Variants in IL1RAPL2 observed in about 807,000 individuals in gnomAD.
IL1RAPL2 encodes X-linked interleukin-1 receptor accessory protein-like 2.
IL1RAPL2 carries 3 observed loss-of-function variants against 44.1 expected under a neutral mutation model. The observed-to-expected ratio is 0.07, with a 90% CI of 0.03 to 0.18. IL1RAPL2 has a LOEUF of 0.18. IL1RAPL2 is among the 10% of genes least tolerant of loss of function. IL1RAPL2 has a pLI of 1.00. For synonymous variants in IL1RAPL2, 181 were observed against 178.8 expected (o/e 1.01, Z -0.10); for missense variants, 391 against 496.4 (o/e 0.79, Z 2.02).
At chrX:105,099,199 AAAG>A (rs1455966474) in intron 2 of IL1RAPL2, among the ~76,000 whole-genome samples, 5 of 112,033 alleles carry the variant, frequency 4.5e-5, no homozygotes, top group African/African-American at 1.6e-4. Flanking sequence ...GTAGTGCTAC[AAAG>A]AAGTATACAG....
At chrX:105,270,082 T>C (rs180704821) in intron 5 of IL1RAPL2, among the ~76,000 whole-genome samples, 9 of 111,805 alleles carry the variant, frequency 8.0e-5, no homozygotes, top group Admixed American at 3.8e-4. Flanking sequence ...CCAGATAGGA[T>C]GAAGATGAAG....
chrX:104,896,162 C>T (rs1329057860), intron 2 of IL1RAPL2, among the ~76,000 whole-genome samples: 1 of 112,110 alleles, frequency 8.9e-6, no homozygotes. Context: ...AACATGGCTT[C>T]TCCCCTTTCT....
chrX:104,776,295 C>A (rs1461889154), intron 2 of IL1RAPL2, among the ~76,000 whole-genome samples: 1 of 111,584 alleles, frequency 9.0e-6, no homozygotes, highest in Non-Finnish European at 1.9e-5. Flanking sequence ...AAGCTTGGGC[C>A]ACATTACTGA....
At chrX:104,749,873 A>T (rs1201146713) in intron 2 of IL1RAPL2, among the ~76,000 whole-genome samples, 2 of 112,069 alleles carry the variant, frequency 1.8e-5, no homozygotes, top group Non-Finnish European at 3.8e-5. Flanking sequence ...TTCATGTTTG[A>T]TGGCTACTTT....
intron 2 of IL1RAPL2, among the ~76,000 whole-genome samples, chrX:104,748,040 GTC>G (rs1050403922): frequency 8.1e-5 from 9 of 111,312 alleles, no homozygotes; most frequent in African/African-American, 2.0e-4. Flanking sequence ...TCTGGAATAA[GTC>G]TCTGCATGTG....
At chrX:105,016,347 T>C (rs2031174855) in intron 2 of IL1RAPL2, among the ~76,000 whole-genome samples, 2 of 111,359 alleles carry the variant, frequency 1.8e-5, no homozygotes, top group African/African-American at 6.5e-5. Context: ...CATCCAATAT[T>C]ATGTTGAATA....
chrX:105,330,190 A>G (rs966411255), intron 5 of IL1RAPL2, among the ~76,000 whole-genome samples: 23 of 111,647 alleles, frequency 2.1e-4, no homozygotes, highest in Admixed American at 7.6e-4. Context: ...TTGTTCAGAT[A>G]CTTCCTAGTT....
intron 2 of IL1RAPL2, among the ~76,000 whole-genome samples, chrX:105,171,886 C>T (rs1418833211): frequency 1.8e-5 from 2 of 112,258 alleles, no homozygotes; most frequent in Admixed American, 9.4e-5. Context: ...TCCATGTCCA[C>T]CTCTACCACT....
chrX:105,571,307 T>C (rs1352898584), intron 6 of IL1RAPL2, among the ~76,000 whole-genome samples: 2 of 111,916 alleles, frequency 1.8e-5, no homozygotes, highest in Non-Finnish European at 3.8e-5. Flanking sequence ...ATAAGTCTTT[T>C]TGATAGCTTG....
chrX:105,669,608 A>G (rs2037800021), intron 6 of IL1RAPL2, among the ~76,000 whole-genome samples: 1 of 111,471 alleles, frequency 9.0e-6, no homozygotes, highest in Non-Finnish European at 1.9e-5. Flanking sequence ...GAAAGATCCC[A>G]TATACTCTTT....
intron 1 of IL1RAPL2, among the ~76,000 whole-genome samples, chrX:104,643,498 G>T (rs1054708715): frequency 2.8e-4 from 31 of 111,681 alleles, no homozygotes; most frequent in Non-Finnish European, 3.8e-5. Flanking sequence ...ATTATGTGTG[G>T]TGAACCAGTT....
chrX:105,075,386 T>C (rs1385417371), intron 2 of IL1RAPL2, among the ~76,000 whole-genome samples: 7 of 111,611 alleles, frequency 6.3e-5, no homozygotes, highest in Non-Finnish European at 1.1e-4. Flanking sequence ...ATCCCAGGGA[T>C]GAAGCCCACT....
At chrX:105,686,020 A>T (rs945856746) in intron 6 of IL1RAPL2, among the ~76,000 whole-genome samples, 3 of 111,568 alleles carry the variant, frequency 2.7e-5, no homozygotes, top group Non-Finnish European at 5.6e-5. Flanking sequence ...TTTTGTCACC[A>T]CCAGGCCTGC....
chrX:104,908,584 A>G (rs1418107243), intron 2 of IL1RAPL2, among the ~76,000 whole-genome samples: 2 of 111,434 alleles, frequency 1.8e-5, no homozygotes, highest in East Asian at 2.8e-4. Flanking sequence ...GCTGGATATG[A>G]AATTCTGGGT....
chrX:105,425,429 G>T (rs2035802088), intron 5 of IL1RAPL2, among the ~76,000 whole-genome samples: 1 of 109,909 alleles, frequency 9.1e-6, no homozygotes, highest in East Asian at 2.9e-4. Context: ...AGGTGAATGG[G>T]AACATCTCCT....
At chrX:105,628,751 T>C (rs753416779) in intron 6 of IL1RAPL2, among the ~76,000 whole-genome samples, 92 of 111,475 alleles carry the variant, frequency 8.3e-4, no homozygotes, top group African/African-American at 2.9e-3. Context: ...AAAACTAGCC[T>C]GGCCAACATG....
chrX:105,373,928 G>T (rs1045375715), intron 5 of IL1RAPL2, among the ~76,000 whole-genome samples: 6 of 109,180 alleles, frequency 5.5e-5, no homozygotes, highest in Non-Finnish European at 1.1e-4. Flanking sequence ...AGACCAGCCT[G>T]GCCATCCTGG....
intron 5 of IL1RAPL2, among the ~76,000 whole-genome samples, chrX:105,477,572 A>G (rs183891629): frequency 8.9e-6 from 1 of 112,165 alleles, no homozygotes; most frequent in East Asian, 2.8e-4. Context: ...AAACTAGTCA[A>G]CTACTTAGGC....
chrX:104,570,406 G>T (rs765765727), intron 1 of IL1RAPL2, among the ~76,000 whole-genome samples: 1 of 112,127 alleles, frequency 8.9e-6, no homozygotes, highest in South Asian at 3.8e-4. Context: ...GTCTGTCCAG[G>T]CTGGGCATGG....
Sources: gnomAD v4.1 joint callset for allele counts (sites outside exome capture counted in the v4.1 genomes callset) on GRCh38, gnomAD v4.1.1 for gene constraint, MANE v1.5 for transcripts, NCBI Gene and HGNC (gene_info 2026-07-23, HGNC 2026-07-21) for gene names.